The following MARCHF1 variants were observed in gnomAD, a reference collection of about 807,000 sequenced individuals.
MARCHF1 encodes membrane associated ring-CH-type finger 1, also known as E3 ubiquitin-protein ligase MARCHF1.
A neutral mutation model predicts 54.2 loss-of-function variants in MARCHF1; 40 were observed. The observed-to-expected ratio is 0.74, with a 90% CI of 0.57 to 0.96. The LOEUF (loss-of-function observed/expected upper bound fraction) is 0.96, where lower values mean the gene tolerates loss of function less well. Ranked by LOEUF, MARCHF1 falls within the 40% of genes least tolerant of loss-of-function variation. MARCHF1 has a pLI of 0.00. For synonymous variants in MARCHF1, 236 were observed against 236.3 expected, an observed-to-expected ratio of 1.00 and a Z score of 0.01; for missense variants, 586 against 656.5, an observed-to-expected ratio of 0.89 and a Z score of 1.17.
intron 1 of MARCHF1, chr4:164,197,068 A>G: frequency 6.2e-7 from 1 of 1,605,100 alleles, no homozygotes; most frequent in South Asian, 1.1e-5. Context: ...CTCGCCATCT[A>G]CCTCTCCATC....
intron 9 of MARCHF1, among the ~76,000 whole-genome samples, chr4:163,533,899 A>T (rs1738444263): frequency 6.6e-6 from 1 of 151,848 alleles, no homozygotes; most frequent in East Asian, 1.9e-4. Flanking sequence ...AATGGAGTTT[A>T]TTGTGCCTAA....
chr4:163,809,931 C>T (rs78218856), intron 4 of MARCHF1, among the ~76,000 whole-genome samples: 5 of 151,554 alleles, frequency 3.3e-5, no homozygotes, highest in African/African-American at 4.8e-5. Flanking sequence ...CAGTAACTAC[C>T]ACAAAACTTT....
At chr4:163,893,729 TG>T (rs1750714961) in intron 3 of MARCHF1, among the ~76,000 whole-genome samples, 1 of 152,222 alleles carries the variant, frequency 6.6e-6, no homozygotes, top group South Asian at 2.1e-4. Context: ...AAGTGTCTTT[TG>T]AATAAATGCA....
At chr4:163,771,820 T>G (rs1225636939) in intron 4 of MARCHF1, among the ~76,000 whole-genome samples, 1 of 152,222 alleles carries the variant, frequency 6.6e-6, no homozygotes. Flanking sequence ...AGGTTACATT[T>G]TCCCCCTTTC....
chr4:164,185,987 G>A (rs972051385), intron 1 of MARCHF1, among the ~76,000 whole-genome samples: 1 of 152,118 alleles, frequency 6.6e-6, no homozygotes, highest in Non-Finnish European at 1.5e-5. Flanking sequence ...TCTGCCTCTG[G>A]GTTCAAGTGA....
At chr4:164,187,389 G>A (rs1435258702) in intron 1 of MARCHF1, among the ~76,000 whole-genome samples, 1 of 152,126 alleles carries the variant, frequency 6.6e-6, no homozygotes, top group African/African-American at 2.4e-5. Flanking sequence ...GGATGAGCAG[G>A]TTTGCTTGAA....
chr4:164,194,264 A>G (rs1731195082), intron 1 of MARCHF1, among the ~76,000 whole-genome samples: 1 of 152,180 alleles, frequency 6.6e-6, no homozygotes, highest in Non-Finnish European at 1.5e-5. Flanking sequence ...TTTTCTGCCT[A>G]TAGCGCCAAC....
intron 5 of MARCHF1, among the ~76,000 whole-genome samples, chr4:163,614,109 G>T (rs1741438844): frequency 6.6e-6 from 1 of 151,966 alleles, no homozygotes; most frequent in Non-Finnish European, 1.5e-5. Flanking sequence ...TTTAATATAG[G>T]TTATGATGAT....
intron 2 of MARCHF1, among the ~76,000 whole-genome samples, chr4:164,094,491 T>G (rs1248422333): frequency 6.6e-6 from 1 of 152,152 alleles, no homozygotes; most frequent in South Asian, 2.1e-4. Flanking sequence ...TCAGTGGCCA[T>G]GGACCTGCCT....
chr4:164,200,827 T>C lies in MARCHF1; in HGVS notation c.-322-89165A>G, dbSNP rs78924450. Among the ~76,000 whole-genome samples, 198 of 152,136 alleles carry C rather than the reference T, an allele frequency of 1.3e-3. 1 individual carries two copies. The highest frequency in any genetic ancestry group is 4.1e-3 in the African/African-American group (172 of 41,514). On this transcript the variant is annotated intron_variant, in intron 1 of 9. Transcript: ENST00000514618. The stretch of plus-strand genomic sequence containing the variant: ...AATGATGTTCTCTAGGGAGCAGCCA[T>C]AGGTGTATGCAGGTGAATGGTTGGA...
At chr4:163,740,934 G>T (rs1339629437) in intron 4 of MARCHF1, among the ~76,000 whole-genome samples, 1 of 152,136 alleles carries the variant, frequency 6.6e-6, no homozygotes, top group Non-Finnish European at 1.5e-5. Context: ...AATAACATCT[G>T]TCAATATGGA....
chr4:163,735,936 T>A (rs1460041225), intron 4 of MARCHF1, among the ~76,000 whole-genome samples: 2 of 152,152 alleles, frequency 1.3e-5, no homozygotes, highest in African/African-American at 4.8e-5. Flanking sequence ...TAGTACCAAA[T>A]CCTATATACA....
intron 3 of MARCHF1, among the ~76,000 whole-genome samples, chr4:163,876,631 A>C (rs1280814983): frequency 6.6e-6 from 1 of 152,154 alleles, no homozygotes; most frequent in Non-Finnish European, 1.5e-5. Flanking sequence ...ACAGTTACAA[A>C]TTTGGTAGGC....
chr4:164,202,713 T>C (rs1024990048), intron 1 of MARCHF1, among the ~76,000 whole-genome samples: 1 of 152,118 alleles, frequency 6.6e-6, no homozygotes, highest in South Asian at 2.1e-4. Flanking sequence ...TTGCTAGTTC[T>C]TTCTGCTGTA....
intron 4 of MARCHF1, among the ~76,000 whole-genome samples, chr4:163,835,246 A>T (rs1283005158): frequency 6.6e-6 from 1 of 152,196 alleles, no homozygotes; most frequent in Non-Finnish European, 1.5e-5. Context: ...CCAGGATAGC[A>T]TTCTTCTTAT....
At chr4:164,112,892 T>C (rs1310786854) in intron 1 of MARCHF1, among the ~76,000 whole-genome samples, 1 of 148,638 alleles carries the variant, frequency 6.7e-6, no homozygotes, top group Admixed American at 6.6e-5. Context: ...ATTTCCACTT[T>C]CGCTGTTTTT....
chr4:163,567,048 T>C (rs1376098116), intron 8 of MARCHF1, among the ~76,000 whole-genome samples: 3 of 152,180 alleles, frequency 2.0e-5, no homozygotes, highest in Non-Finnish European at 4.4e-5. Flanking sequence ...CCCATCTTGA[T>C]GGGTGCAGCA....
chr4:164,041,268 C>T (rs1450815068), intron 2 of MARCHF1, among the ~76,000 whole-genome samples: 1 of 152,136 alleles, frequency 6.6e-6, no homozygotes, highest in African/African-American at 2.4e-5. Context: ...CTATCCTACT[C>T]ACCAGAACTT....
chr4:163,718,875 C>G (rs560192835), intron 4 of MARCHF1, among the ~76,000 whole-genome samples: 1 of 152,186 alleles, frequency 6.6e-6, no homozygotes, highest in East Asian at 1.9e-4. Flanking sequence ...TAGGTGTTAG[C>G]ATCTGCTATT....
Sources: gnomAD v4.1 joint callset for allele counts (sites outside exome capture counted in the v4.1 genomes callset) on GRCh38, gnomAD v4.1.1 for gene constraint, MANE v1.5 for transcripts, NCBI Gene and HGNC (gene_info 2026-07-23, HGNC 2026-07-21) for gene names.